The following LTBP1 variants were observed in gnomAD, a reference collection of about 807,000 sequenced individuals.
LTBP1 encodes the protein latent-transforming growth factor beta-binding protein 1.
In LTBP1, 129 loss-of-function variants were observed where a neutral mutation model predicts 207.6. The ratio of observed to expected loss-of-function variants is 0.62; its 90% CI spans 0.54 to 0.72. The LOEUF (loss-of-function observed/expected upper bound fraction) is 0.72, where lower values mean the gene tolerates loss of function less well. Among genes scored for constraint, LTBP1 ranks in the 30% least tolerant of loss-of-function variants. The probability of loss-of-function intolerance (pLI) is 0.00; values close to 1 mark genes in which losing one functional copy is unlikely to be tolerated. For missense variants in LTBP1, 2,281 were observed against 2,217.2 expected, an observed-to-expected ratio of 1.03 and a Z score of -0.58; for synonymous variants, 963 against 833.7, an observed-to-expected ratio of 1.16 and a Z score of -2.67.
At chr2:33,382,972 T>C (rs1296867523) in intron 31 of LTBP1, among the ~76,000 whole-genome samples, 23 of 152,230 alleles carry the variant, frequency 1.5e-4, no homozygotes, top group Admixed American at 1.5e-3. Context: ...AGGTCTCTCT[T>C]CCACCTTTCT....
At chr2:33,125,385 G>A (rs1305840695) in intron 4 of LTBP1, among the ~76,000 whole-genome samples, 2 of 152,210 alleles carry the variant, frequency 1.3e-5, no homozygotes, top group South Asian at 2.1e-4. Context: ...CTTGTCTCTC[G>A]AGTCTGCCAT....
intron 18 of LTBP1, among the ~76,000 whole-genome samples, chr2:33,279,520 T>G (rs1185532959): frequency 6.6e-6 from 1 of 152,182 alleles, no homozygotes; most frequent in African/African-American, 2.4e-5. Context: ...TGTTTTTTTT[T>G]TTTTCCACCT....
intron 19 of LTBP1, among the ~76,000 whole-genome samples, chr2:33,287,017 C>A (rs1429923914): frequency 6.6e-6 from 1 of 152,132 alleles, no homozygotes; most frequent in Non-Finnish European, 1.5e-5. Context: ...ACCAACATGG[C>A]ACATGTATAC....
At chr2:33,382,894 C>T (rs1017382616) in intron 31 of LTBP1, among the ~76,000 whole-genome samples, 8 of 152,090 alleles carry the variant, frequency 5.3e-5, no homozygotes, top group Non-Finnish European at 1.2e-4. Context: ...TAATGTATTC[C>T]GGGATAAAGA....
chr2:32,994,851 C>G (rs1685006850), intron 2 of LTBP1, among the ~76,000 whole-genome samples: 1 of 152,150 alleles, frequency 6.6e-6, no homozygotes, highest in South Asian at 2.1e-4. Flanking sequence ...ACATCCCAAA[C>G]CAATTGAATG....
intron 10 of LTBP1, among the ~76,000 whole-genome samples, chr2:33,247,897 T>C (rs1280832318): frequency 6.6e-6 from 1 of 152,278 alleles, no homozygotes; most frequent in Non-Finnish European, 1.5e-5. Flanking sequence ...TCCGTTAATA[T>C]GGGCTTTCCT....
intron 31 of LTBP1, among the ~76,000 whole-genome samples, chr2:33,382,838 T>G (rs1366649086): frequency 2.0e-5 from 3 of 152,058 alleles, no homozygotes; most frequent in African/African-American, 7.2e-5. Context: ...ATATTTTAGT[T>G]TTAGGGAAGG....
chr2:33,387,352 A>AT lies in LTBP1; in HGVS notation c.4712-1829dup, dbSNP rs764019240. On this transcript the variant is annotated intron_variant, in intron 31 of 33. Coordinates refer to ENST00000404816, the MANE Select transcript of LTBP1 (RefSeq NM_206943.4). The stretch of plus-strand genomic sequence containing the variant: ...CAAACTTTAAGCAGAACTGACAGCC[A>AT]TTTGTGCTCTCTCTGTTTGAAGTAG... 7.0e-4 allele frequency among the ~76,000 whole-genome samples: 106 copies of AT among 152,358 alleles called. 1 individual carries two copies. The highest frequency in any genetic ancestry group is 1.0e-3 in the Non-Finnish European group (71 of 68,026).
chr2:33,350,992 A>G (rs1485127441), intron 26 of LTBP1, among the ~76,000 whole-genome samples: 1 of 152,168 alleles, frequency 6.6e-6, no homozygotes, highest in Non-Finnish European at 1.5e-5. Flanking sequence ...AAATATATAT[A>G]TATTATAATC....
intron 22 of LTBP1, among the ~76,000 whole-genome samples, chr2:33,303,322 C>A (rs2094023214): frequency 6.6e-6 from 1 of 151,496 alleles, no homozygotes; most frequent in South Asian, 2.1e-4. Flanking sequence ...AACTGTCCCA[C>A]CTCAGATCAT....
intron 7 of LTBP1, among the ~76,000 whole-genome samples, chr2:33,200,562 T>A (rs1031508232): frequency 2.0e-5 from 3 of 152,012 alleles, no homozygotes; most frequent in Admixed American, 1.3e-4. Context: ...GGACATAGGC[T>A]TGGGCAAGGA....
intron 31 of LTBP1, among the ~76,000 whole-genome samples, chr2:33,378,185 A>ATGTGTGTGTGTG (rs57388002): frequency 1.7e-4 from 22 of 131,924 alleles, no homozygotes; most frequent in Non-Finnish European, 3.1e-4. Flanking sequence ...ATATATATAT[A>ATGTGTGTGTGTG]TGTGTGTGTG....
chr2:33,384,190 T>C (rs965681106), intron 31 of LTBP1, among the ~76,000 whole-genome samples: 3 of 152,194 alleles, frequency 2.0e-5, no homozygotes, highest in African/African-American at 7.2e-5. Context: ...CAGGGGATAA[T>C]TTTTAAACCT....
At chr2:33,252,012 A>G (rs1218518048) in intron 10 of LTBP1, among the ~76,000 whole-genome samples, 2 of 152,162 alleles carry the variant, frequency 1.3e-5, no homozygotes, top group African/African-American at 2.4e-5. Flanking sequence ...AAGTTTAGGT[A>G]TTGGATGGCT....
chr2:33,322,680 T>G (rs935067815), intron 24 of LTBP1, among the ~76,000 whole-genome samples: 2 of 152,234 alleles, frequency 1.3e-5, no homozygotes, highest in African/African-American at 2.4e-5. Context: ...GTAGGTTAAG[T>G]ATTAATTGGT....
intron 31 of LTBP1, 140 bp downstream of exon 31, chr2:33,365,643 G>GTGTGTGTA (rs1553518272): frequency 3.9e-4 from 299 of 773,132 alleles, no homozygotes; most frequent in South Asian, 1.9e-3. Context: ...GTGTGTGTGT[G>GTGTGTGTA]TGTGTGTAGG....
At chr2:33,344,001 G>C (rs113908932) in intron 25 of LTBP1, among the ~76,000 whole-genome samples, 4,835 of 152,236 alleles carry the variant, frequency 0.032, 86 homozygotes, top group Non-Finnish European at 0.046. Context: ...GGAACTTGAG[G>C]AGTCTATTGC....
chr2:32,968,906 T>C (rs1408098598), intron 2 of LTBP1, among the ~76,000 whole-genome samples: 2 of 137,772 alleles, frequency 1.5e-5, no homozygotes, highest in African/African-American at 5.4e-5. Flanking sequence ...TTCTTTAGTG[T>C]GTGTGTGTGT....
At position 32,967,422 on chromosome 2, in the gene LTBP1, A is replaced by C. The variant is rs566943646; in HGVS notation, c.565+18477A>C. ...GGTGGAAGCTTAGATTATTAATTTT[A>C]GATCTTTCTTATTTTTAAATATATG... On this transcript the variant is annotated intron_variant, in intron 2 of 33. Transcript: ENST00000404816. Among the ~76,000 whole-genome samples, 14 of 152,146 alleles carry C rather than the reference A, an allele frequency of 9.2e-5. No homozygotes were observed. In the East Asian group the frequency reaches 2.7e-3, roughly 29 times the overall value.
Sources: gnomAD v4.1 joint callset for allele counts (sites outside exome capture counted in the v4.1 genomes callset) on GRCh38, gnomAD v4.1.1 for gene constraint, MANE v1.5 for transcripts, NCBI Gene and HGNC (gene_info 2026-07-23, HGNC 2026-07-21) for gene names.